ULK2: variants seen among roughly 807,000 people sequenced by gnomAD.
The protein encoded by ULK2 is serine/threonine-protein kinase ULK2.
A neutral mutation model predicts 127.5 loss-of-function variants in ULK2; 76 were observed. The ratio of observed to expected loss-of-function variants is 0.60; its 90% CI spans 0.50 to 0.72. ULK2 has a LOEUF of 0.72. ULK2 is among the 30% of genes least tolerant of loss of function. The probability of loss-of-function intolerance (pLI) is 0.00; values close to 1 mark genes in which losing one functional copy is unlikely to be tolerated. For missense variants in ULK2, 1,144 were observed against 1,295.9 expected (o/e 0.88, Z 1.80); for synonymous variants, 452 against 461.9 (o/e 0.98, Z 0.28).
In ULK2 at chr17:19,804,813, A is replaced by G. The variant is rs759545378; in HGVS notation, c.1175T>C (p.Val392Ala). 32 of 1,612,704 alleles carry G rather than the reference A, an allele frequency of 2.0e-5. No individual in the cohort carries two copies. The highest frequency in any genetic ancestry group is 2.6e-5 in the Non-Finnish European group (31 of 1,179,374). Residue 392 changes from valine (V) to alanine (A), a missense_variant, in exon 15 of 27, where the codon GTG becomes GCG. By Grantham distance (64) the Val-to-Ala change is moderately conservative. Transcript: ENST00000395544. The part of the protein sequence containing the change: ...LVCGGQCQPT[V>A]SPHSETAPIP... ...TGGTGCTGTTTCGCTGTGAGGTGAC[A>G]CAGTAGGCTGACACTGCCTGCAATC...
chr17:19,864,367 C>T (rs562749904), intron 3 of ULK2, among the ~76,000 whole-genome samples: 6 of 151,602 alleles, frequency 4.0e-5, no homozygotes, highest in African/African-American at 9.7e-5. Context: ...CCTAGCTACT[C>T]GGGAGGCTGA....
chr17:19,808,360 C>T (rs1040647637), intron 14 of ULK2, among the ~76,000 whole-genome samples: 1 of 152,100 alleles, frequency 6.6e-6, no homozygotes, highest in African/African-American at 2.4e-5. Flanking sequence ...CTTAATATGA[C>T]ATAAGAGTAG....
Position 19,841,506 on chromosome 17 carries a change from G to GT in ULK2, c.686dup (p.Asn229LysfsTer7). 3 of 1,589,776 alleles carry GT rather than the reference G, an allele frequency of 1.9e-6. No individual in the cohort carries two copies. Among genetic ancestry groups the GT allele is most frequent in the Admixed American group, 3.7e-5 (2 of 54,100 alleles). The stretch of plus-strand genomic sequence containing the variant: ...ACACATACCTAGGCATTAAGCTCCT[G>GT]TTTTTTTCATAAAACATCCTTAAGT... On this transcript the variant is annotated frameshift_variant, in exon 9 of 27. Coordinates refer to ENST00000395544, the MANE Select transcript of ULK2 (RefSeq NM_014683.4). LOFTEE classifies it high-confidence loss of function.
chr17:19,864,996 C>T (rs2042323356), intron 2 of ULK2, 152 bp from the exon 3 acceptor site: 1 of 324,450 alleles, frequency 3.1e-6, no homozygotes, highest in Non-Finnish European at 5.7e-6. Context: ...AAGAAATGTG[C>T]CTGATCAAAC....
At chr17:19,788,828 A>G in intron 20 of ULK2, among the ~76,000 whole-genome samples, 1 of 152,208 alleles carries the variant, frequency 6.6e-6, no homozygotes, top group East Asian at 1.9e-4. Flanking sequence ...ATTGGTGGTT[A>G]CAGCCACAGG....
intron 22 of ULK2, 106 bp downstream of exon 22, chr17:19,783,591 G>A (rs2152382191): frequency 5.1e-6 from 6 of 1,165,830 alleles, no homozygotes; most frequent in African/African-American, 1.6e-5. Context: ...GCACGTTAAA[G>A]AGAACATAAC....
chr17:19,848,068 TG>T (rs1158356873), intron 5 of ULK2, among the ~76,000 whole-genome samples: 2 of 152,164 alleles, frequency 1.3e-5, no homozygotes, highest in Admixed American at 1.3e-4. Flanking sequence ...AATGAAAACT[TG>T]TGCTCATTTC....
chr17:19,805,989 C>T (rs536575158), intron 14 of ULK2, among the ~76,000 whole-genome samples: 1 of 152,262 alleles, frequency 6.6e-6, no homozygotes, highest in Non-Finnish European at 1.5e-5. Flanking sequence ...TAGGTATTTC[C>T]ATTTAGTATC....
intron 25 of ULK2, among the ~76,000 whole-genome samples, chr17:19,779,991 T>C (rs1461876839): frequency 6.6e-6 from 1 of 151,984 alleles, no homozygotes; most frequent in Admixed American, 6.6e-5. Flanking sequence ...CTGGCCAACA[T>C]GGCAAAACCC....
In ULK2 at chr17:19,776,221, G is replaced by T; in HGVS notation, c.*128C>A. ...ATTGTTTTTCCTTTTTCAAATCACT[G>T]CTTGTTCTTTGGTAGTCACCAGTTA... On this transcript the variant is annotated 3_prime_UTR_variant, in exon 27 of 27. Coordinates refer to ENST00000395544, the MANE Select transcript of ULK2 (RefSeq NM_014683.4). The T allele has an allele frequency of 2.7e-6, 2 of 737,244 alleles. No homozygotes were observed. The highest frequency in any genetic ancestry group is 2.7e-5 in the South Asian group (1 of 37,084). 45.7% of individuals were successfully genotyped at this position (737,244 alleles called of 1,614,324 possible).
chr17:19,846,885 C>A lies in ULK2; in HGVS notation c.321G>T (p.Thr107=), dbSNP rs141336482. The A allele has an allele frequency of 5.6e-6, 9 of 1,611,892 alleles. No individual in the cohort carries two copies. The African/African-American group carries it at 1.2e-4, about 22-fold the overall frequency. Residue 107 remains threonine (T), a synonymous_variant, in exon 6 of 27, where the codon ACG becomes ACT. Transcript: ENST00000395544. ...LQAKGTLSED[T]IRVFLHQIAA... ...CAATCTGATGCAGAAACACTCTGAT[C>A]GTGTCTTCACTGAGAGTCCCTTTCG...
intron 10 of ULK2, among the ~76,000 whole-genome samples, chr17:19,829,200 A>G (rs566466206): frequency 6.6e-6 from 1 of 152,366 alleles, no homozygotes; most frequent in African/African-American, 2.4e-5. Context: ...ACTATCAGAC[A>G]AAATAGAATT....
intron 20 of ULK2, among the ~76,000 whole-genome samples, chr17:19,787,146 G>A (rs534322659): frequency 4.8e-4 from 73 of 152,094 alleles, no homozygotes; most frequent in African/African-American, 8.4e-4. Context: ...GTGCCACCAC[G>A]CCCAGCTAAT....
Position 19,777,571 on chromosome 17 carries a change from G to C in ULK2, c.3052+10C>G, listed in dbSNP as rs1235218803. The C allele has an allele frequency of 3.1e-6, 5 of 1,595,608 alleles. No individual in the cohort carries two copies. The highest frequency in any genetic ancestry group is 1.1e-5 in the South Asian group (1 of 87,482). On this transcript the variant is annotated intron_variant, in intron 26 of 26. Transcript: ENST00000395544. ...AGTAAAAAAATACACTACTTTGTAAGTCAACTTACATTTATGCACATTTTC... is the reference window on the plus strand; with the variant it reads ...AGTAAAAAAATACACTACTTTGTAACTCAACTTACATTTATGCACATTTTC...
In ULK2 at chr17:19,846,668, C is replaced by T. The variant is rs1597805287; in HGVS notation, c.469+69G>A. 5.0e-6 allele frequency: 7 copies of T among 1,387,574 alleles called. No homozygotes were observed. In the South Asian group the frequency reaches 8.0e-5, roughly 16 times the overall value. 86.0% of individuals were successfully genotyped at this position (1,387,574 alleles called of 1,614,324 possible). ...AAAAAAAAAAAAATCCATCATTCAA[C>T]AAAGCTAAAGTTGTCTAAAAATAGT... is the stretch of plus-strand genomic sequence containing the variant. On this transcript the variant is annotated intron_variant, in intron 6 of 26. Coordinates refer to ENST00000395544, the MANE Select transcript of ULK2 (RefSeq NM_014683.4).
At chr17:19,834,450 A>C (rs2041540716) in intron 10 of ULK2, among the ~76,000 whole-genome samples, 1 of 152,066 alleles carries the variant, frequency 6.6e-6, no homozygotes, top group Admixed American at 6.6e-5. Context: ...ATATATGACA[A>C]CACAAAAGAG....
chr17:19,820,953 T>C (rs1313719070), intron 12 of ULK2, among the ~76,000 whole-genome samples: 1 of 152,172 alleles, frequency 6.6e-6, no homozygotes, highest in East Asian at 1.9e-4. Flanking sequence ...GACCTGGTCA[T>C]CTCATTCATT....
chr17:19,839,039 A>G (rs1000511285), intron 9 of ULK2, among the ~76,000 whole-genome samples: 1 of 151,920 alleles, frequency 6.6e-6, no homozygotes, highest in Non-Finnish European at 1.5e-5. Flanking sequence ...TGAAAAAAAA[A>G]AAAAGAAGGA....
chr17:19,780,171 CAAGAAAAAAAAAAA>C (rs1279679012), intron 25 of ULK2, among the ~76,000 whole-genome samples: 2 of 123,656 alleles, frequency 1.6e-5, no homozygotes, highest in African/African-American at 6.1e-5. Context: ...AACTCCGTCT[CAAGAAAAAAAAAAA>C]AAGAAAAAAA....
Sources: gnomAD v4.1 joint callset for allele counts (sites outside exome capture counted in the v4.1 genomes callset) on GRCh38, gnomAD v4.1.1 for gene constraint, MANE v1.5 for transcripts, NCBI Gene and HGNC (gene_info 2026-07-23, HGNC 2026-07-21) for gene names.